Variants in CSMD1 observed in about 807,000 individuals in gnomAD.
The protein encoded by CSMD1 is CUB and sushi domain-containing protein 1.
Under a neutral mutation model 417.5 loss-of-function variants are expected in CSMD1, and 213 were observed. The ratio of observed to expected loss-of-function variants is 0.51; its 90% CI spans 0.46 to 0.57. CSMD1 has a LOEUF of 0.57. Ranked by LOEUF, CSMD1 falls within the 20% of genes least tolerant of loss-of-function variation. The pLI is 0.00. For missense variants in CSMD1, 6,923 were observed against 4,529.7 expected (o/e 1.53, Z -15.17); for synonymous variants, 2,862 against 1,736.8 (o/e 1.65, Z -16.11).
chr8:4,170,155 C>G (rs1797690226), intron 3 of CSMD1, among the ~76,000 whole-genome samples: 1 of 151,992 alleles, frequency 6.6e-6, no homozygotes, highest in African/African-American at 2.4e-5. Context: ...ACCCAAACCT[C>G]CTTGTTGATA....
intron 4 of CSMD1, among the ~76,000 whole-genome samples, chr8:4,016,459 T>G (rs1017102341): frequency 1.3e-5 from 2 of 152,136 alleles, no homozygotes; most frequent in African/African-American, 4.8e-5. Context: ...TCTCCAGGTC[T>G]CAGGCCTCTG....
chr8:3,778,703 C>T (rs1799021895), intron 5 of CSMD1, among the ~76,000 whole-genome samples: 1 of 152,222 alleles, frequency 6.6e-6, no homozygotes, highest in Admixed American at 6.5e-5. Context: ...CAAAGATCAT[C>T]TTCCGAGCAC....
rs565122649 is a variant in CSMD1 at position 3,418,997 on chromosome 8, G to C, written c.1562-9392C>G. On this transcript the variant is annotated intron_variant, in intron 12 of 69. Coordinates refer to ENST00000635120, the MANE Select transcript of CSMD1 (RefSeq NM_033225.6). ...AAATTTAGTCCTGAAAAATCATCTT[G>C]CTATAGTGTTCCTTTCACTTACATT... Among the ~76,000 whole-genome samples the C allele has an allele frequency of 2.6e-5, 4 of 152,240 alleles. No individual in the cohort carries two copies. The South Asian group carries it at 6.2e-4, about 24-fold the overall frequency.
intron 1 of CSMD1, among the ~76,000 whole-genome samples, chr8:4,718,560 A>G (rs928838132): frequency 6.6e-6 from 1 of 152,090 alleles, no homozygotes; most frequent in Non-Finnish European, 1.5e-5. Context: ...AAAAAGAAAG[A>G]AAAAATTTAT....
chr8:2,951,178 A>C lies in CSMD1; in HGVS notation c.10137T>G (p.Asn3379Lys). 6.2e-7 allele frequency: 1 copy of C among 1,613,642 alleles called. No homozygotes were observed. The highest frequency in any genetic ancestry group is 8.5e-7 in the Non-Finnish European group (1 of 1,179,682). ...QPATLTVDWF[N>K]ATSSKVNATF... is the part of the protein sequence containing the mutation. The stretch of plus-strand genomic sequence containing the variant: ...TGGCATTCACCTTACTGCTTGTTGC[A>C]TTGAACCAGTCAACAGTTAGAGTGG... Residue 3379 changes from asparagine to lysine, a missense_variant, in exon 66 of 70, where the codon AAT (asparagine) becomes AAG (lysine). Coordinates refer to ENST00000635120, the MANE Select transcript of CSMD1 (RefSeq NM_033225.6).
chr8:3,401,769 C>G (rs939040107), intron 15 of CSMD1, among the ~76,000 whole-genome samples: 1 of 152,062 alleles, frequency 6.6e-6, no homozygotes. Flanking sequence ...TCCTCATATA[C>G]CTAATTGACC....
intron 2 of CSMD1, among the ~76,000 whole-genome samples, chr8:4,450,873 T>C (rs1282727336): frequency 6.6e-6 from 1 of 152,178 alleles, no homozygotes; most frequent in Non-Finnish European, 1.5e-5. Flanking sequence ...GTTAATATTC[T>C]TCCAACCAGA....
intron 2 of CSMD1, among the ~76,000 whole-genome samples, chr8:4,628,070 G>C (rs973602162): frequency 6.6e-6 from 1 of 151,522 alleles, no homozygotes; most frequent in East Asian, 2.0e-4. Flanking sequence ...AAGGCTGATA[G>C]AAGCATATAC....
At chr8:3,052,029 A>G (rs1206933229) in intron 50 of CSMD1, among the ~76,000 whole-genome samples, 1 of 152,262 alleles carries the variant, frequency 6.6e-6, no homozygotes, top group African/African-American at 2.4e-5. Flanking sequence ...TGATACACAA[A>G]TAAATGAGGC....
chr8:4,357,722 G>T (rs1192456701), intron 3 of CSMD1, among the ~76,000 whole-genome samples: 2 of 151,972 alleles, frequency 1.3e-5, no homozygotes, highest in Admixed American at 1.3e-4. Context: ...TTGAGATCAA[G>T]AGATACTCAA....
chr8:3,394,056 A>G (rs1383329401), intron 17 of CSMD1, among the ~76,000 whole-genome samples: 10 of 119,968 alleles, frequency 8.3e-5, no homozygotes, highest in East Asian at 2.3e-4. Context: ...ATATATATAT[A>G]GAAAAAAAGA....
At chr8:4,138,367 T>C (rs1398200034) in intron 3 of CSMD1, among the ~76,000 whole-genome samples, 1 of 152,098 alleles carries the variant, frequency 6.6e-6, no homozygotes, top group Non-Finnish European at 1.5e-5. Flanking sequence ...GAGTCAGTGT[T>C]CTGATACCTG....
At chr8:4,947,606 A>G (rs1353924885) in intron 1 of CSMD1, among the ~76,000 whole-genome samples, 2 of 152,140 alleles carry the variant, frequency 1.3e-5, no homozygotes, top group African/African-American at 2.4e-5. Context: ...CCCTACATGT[A>G]AACTTACGGC....
chr8:3,897,223 T>C (rs926882571), intron 5 of CSMD1, among the ~76,000 whole-genome samples: 1 of 152,170 alleles, frequency 6.6e-6, no homozygotes, highest in Non-Finnish European at 1.5e-5. Flanking sequence ...AGGAGTGAGA[T>C]GACACAGCCT....
chr8:4,912,465 A>G (rs141735254), intron 1 of CSMD1, among the ~76,000 whole-genome samples: 1 of 151,824 alleles, frequency 6.6e-6, no homozygotes, highest in Non-Finnish European at 1.5e-5. Flanking sequence ...ACGGGAGGAG[A>G]GCATTTCTAG....
intron 1 of CSMD1, among the ~76,000 whole-genome samples, chr8:4,799,214 A>C (rs956621740): frequency 1.3e-5 from 2 of 152,168 alleles, no homozygotes; most frequent in African/African-American, 4.8e-5. Flanking sequence ...ATGTTTTGAA[A>C]ACTGTAAGAG....
intron 5 of CSMD1, among the ~76,000 whole-genome samples, chr8:3,853,910 C>T (rs188842055): frequency 0.018 from 2,523 of 137,152 alleles, 30 homozygotes; most frequent in African/African-American, 0.024. Context: ...TATATTAATA[C>T]ATTAAAGTAT....
At chr8:3,141,221 C>T (rs956833682) in intron 41 of CSMD1, among the ~76,000 whole-genome samples, 1 of 152,054 alleles carries the variant, frequency 6.6e-6, no homozygotes, top group Non-Finnish European at 1.5e-5. Context: ...AGGTAACACC[C>T]GTACCTCATC....
chr8:4,767,494 T>C (rs1812543416), intron 1 of CSMD1, among the ~76,000 whole-genome samples: 1 of 152,152 alleles, frequency 6.6e-6, no homozygotes, highest in Non-Finnish European at 1.5e-5. Context: ...GCTGCTGGTC[T>C]ACCTGCCTGA....
Sources: gnomAD v4.1 joint callset for allele counts (sites outside exome capture counted in the v4.1 genomes callset) on GRCh38, gnomAD v4.1.1 for gene constraint, MANE v1.5 for transcripts, NCBI Gene and HGNC (gene_info 2026-07-23, HGNC 2026-07-21) for gene names.